Variants in TAFA1 observed in about 807,000 individuals in gnomAD.
The protein encoded by TAFA1 is TAFA chemokine like family member 1.
In TAFA1, 4 loss-of-function variants were observed where a neutral mutation model predicts 18.5. The ratio of observed to expected loss-of-function variants is 0.22; its 90% CI spans 0.11 to 0.49. TAFA1 has a LOEUF of 0.49. Ranked by LOEUF, TAFA1 falls within the 20% of genes least tolerant of loss-of-function variation. The pLI, the probability that TAFA1 is intolerant of heterozygous loss-of-function variation, is 0.98. For synonymous variants in TAFA1, 56 were observed against 55.2 expected (o/e 1.01, Z -0.06); for missense variants, 147 against 169.0 (o/e 0.87, Z 0.72).
chr3:68,203,310 C>A (rs1272440426), intron 2 of TAFA1, among the ~76,000 whole-genome samples: 1 of 151,476 alleles, frequency 6.6e-6, no homozygotes, highest in Non-Finnish European at 1.5e-5. Flanking sequence ...TTGGTGTTTT[C>A]TGACCTTTCT....
chr3:68,306,736 G>C (rs1268372351), intron 2 of TAFA1, among the ~76,000 whole-genome samples: 1 of 152,050 alleles, frequency 6.6e-6, no homozygotes, highest in Non-Finnish European at 1.5e-5. Flanking sequence ...GGTCTCCTGT[G>C]GGTAAGCCAC....
At chr3:68,332,377 C>A (rs2068895442) in intron 2 of TAFA1, among the ~76,000 whole-genome samples, 1 of 151,246 alleles carries the variant, frequency 6.6e-6, no homozygotes, top group African/African-American at 2.4e-5. Context: ...TGGCCAAAAG[C>A]ACAGGCAAAA....
At chr3:68,266,469 G>A (rs1483876332) in intron 2 of TAFA1, among the ~76,000 whole-genome samples, 1 of 152,080 alleles carries the variant, frequency 6.6e-6, no homozygotes, top group Non-Finnish European at 1.5e-5. Flanking sequence ...CATGATACTG[G>A]CATTTGGTTT....
At chr3:68,403,248 A>G (rs1482122866) in intron 2 of TAFA1, among the ~76,000 whole-genome samples, 2 of 152,212 alleles carry the variant, frequency 1.3e-5, no homozygotes, top group Non-Finnish European at 2.9e-5. Context: ...TGACATATTC[A>G]TTAGAAGTTA....
intron 2 of TAFA1, among the ~76,000 whole-genome samples, chr3:68,264,538 G>A (rs2067502418): frequency 6.6e-6 from 1 of 152,128 alleles, no homozygotes; most frequent in African/African-American, 2.4e-5. Flanking sequence ...AGGATGGGTA[G>A]GTAGTGACCG....
intron 2 of TAFA1, among the ~76,000 whole-genome samples, chr3:68,399,086 A>G (rs980077703): frequency 2.6e-5 from 4 of 152,182 alleles, no homozygotes; most frequent in African/African-American, 9.6e-5. Flanking sequence ...GAGTTGAACT[A>G]GATTATTCAT....
At chr3:68,242,270 C>G (rs966913097) in intron 2 of TAFA1, among the ~76,000 whole-genome samples, 4 of 152,202 alleles carry the variant, frequency 2.6e-5, no homozygotes, top group East Asian at 1.9e-4. Flanking sequence ...TCTAATGAAC[C>G]CTTCCAGTCT....
chr3:68,487,706 C>G (rs568527430), intron 3 of TAFA1, among the ~76,000 whole-genome samples: 3 of 146,820 alleles, frequency 2.0e-5, no homozygotes, highest in Non-Finnish European at 4.5e-5. Flanking sequence ...GAGCCGAGAT[C>G]GCGCCACTGC....
At chr3:68,281,486 T>G (rs79672617) in intron 2 of TAFA1, among the ~76,000 whole-genome samples, 1 of 149,902 alleles carries the variant, frequency 6.7e-6, no homozygotes, top group Non-Finnish European at 1.5e-5. Context: ...TTTTTTTTTT[T>G]TGAGATGGAG....
intron 2 of TAFA1, among the ~76,000 whole-genome samples, chr3:68,332,753 T>G (rs1285588017): frequency 6.6e-6 from 1 of 152,064 alleles, no homozygotes; most frequent in Non-Finnish European, 1.5e-5. Context: ...TATCAAAAAG[T>G]CAAAAGATAA....
chr3:68,011,012 A>G (rs1287330023), intron 2 of TAFA1, among the ~76,000 whole-genome samples: 1 of 151,788 alleles, frequency 6.6e-6, no homozygotes, highest in Non-Finnish European at 1.5e-5. Context: ...AGGTAAAAAA[A>G]GATTGAACGG....
chr3:68,231,252 A>C (rs1184568950), intron 2 of TAFA1, among the ~76,000 whole-genome samples: 2 of 151,918 alleles, frequency 1.3e-5, no homozygotes, highest in African/African-American at 4.8e-5. Context: ...CAAATGAACA[A>C]CTCATTACCA....
intron 3 of TAFA1, among the ~76,000 whole-genome samples, chr3:68,446,755 G>T (rs1339096922): frequency 1.3e-5 from 2 of 152,184 alleles, no homozygotes; most frequent in Non-Finnish European, 2.9e-5. Flanking sequence ...TGCATGTCCA[G>T]TTAATTAGAC....
intron 2 of TAFA1, among the ~76,000 whole-genome samples, chr3:68,306,278 C>T (rs1477582252): frequency 6.6e-6 from 1 of 152,110 alleles, no homozygotes; most frequent in African/African-American, 2.4e-5. Context: ...TTTGTACCTC[C>T]TCTTTATTGG....
At chr3:68,532,094 C>G (rs1446943705) in intron 3 of TAFA1, among the ~76,000 whole-genome samples, 3 of 152,108 alleles carry the variant, frequency 2.0e-5, no homozygotes, top group Non-Finnish European at 4.4e-5. Flanking sequence ...GACAACAGAT[C>G]CACAGAGGAG....
intron 2 of TAFA1, among the ~76,000 whole-genome samples, chr3:68,022,324 G>C (rs1704707740): frequency 6.6e-6 from 1 of 152,152 alleles, no homozygotes. Flanking sequence ...AACATTTGGA[G>C]GCAGAAGAAT....
chr3:68,530,914 C>G lies in TAFA1; in HGVS notation c.260-7842C>G, dbSNP rs757319482. On this transcript the variant is annotated intron_variant, in intron 3 of 4. Coordinates refer to ENST00000478136, the MANE Select transcript of TAFA1 (RefSeq NM_213609.4). Reference sequence around the variant, plus strand: ...CGATAGTAATACAACATACAGAATCCATGGACTCATGGACTCAAAAGCCAA... The same window carrying G: ...CGATAGTAATACAACATACAGAATCGATGGACTCATGGACTCAAAAGCCAA... 6.0e-4 allele frequency among the ~76,000 whole-genome samples: 91 copies of G among 151,952 alleles called. 2 individuals are homozygous for G. The highest frequency in any genetic ancestry group is 2.5e-4 in the Non-Finnish European group (17 of 67,996).
intron 2 of TAFA1, among the ~76,000 whole-genome samples, chr3:68,179,998 C>G (rs1197255331): frequency 1.8e-5 from 2 of 112,644 alleles, no homozygotes; most frequent in Non-Finnish European, 3.7e-5. Flanking sequence ...TCTTTCCTGC[C>G]TATAACACAT....
At chr3:68,318,511 T>G (rs1346686948) in intron 2 of TAFA1, among the ~76,000 whole-genome samples, 2 of 152,142 alleles carry the variant, frequency 1.3e-5, no homozygotes, top group African/African-American at 2.4e-5. Context: ...CCCACAGAAA[T>G]GACAAAGCTT....
Sources: allele counts gnomAD v4.1 joint callset (sites outside exome capture counted in the v4.1 genomes callset), GRCh38; gene constraint gnomAD v4.1.1; transcripts MANE v1.5; gene names NCBI Gene and HGNC (gene_info 2026-07-23, HGNC 2026-07-21).